Variants in MTR observed in about 807,000 individuals in gnomAD.
MTR encodes methionine synthase.
Under a neutral mutation model 154.8 loss-of-function variants are expected in MTR, and 84 were observed. That is an observed-to-expected ratio of 0.54 (90% CI 0.45 to 0.65). The LOEUF (loss-of-function observed/expected upper bound fraction) is 0.65. Ranked by LOEUF, MTR falls within the 30% of genes least tolerant of loss-of-function variation. The probability of loss-of-function intolerance (pLI) is 0.00; values close to 1 mark genes in which losing one functional copy is unlikely to be tolerated. For synonymous variants in MTR, 554 were observed against 553.9 expected, an observed-to-expected ratio of 1.00 and a Z score of 0.00; for missense variants, 1,275 against 1,570.2, an observed-to-expected ratio of 0.81 and a Z score of 3.18.
Position 236,838,613 on chromosome 1 carries a change from T to G in MTR, c.1515+14T>G, listed in dbSNP as rs750347987. The stretch of plus-strand genomic sequence containing the variant: ...GAAGAAGGACAGGTGAGTGGTTTCT[T>G]TTGGCCTAATCCATTGTGTTTCCCA... On this transcript the variant is annotated intron_variant, in intron 15 of 32. Coordinates refer to ENST00000366577, the MANE Select transcript of MTR (RefSeq NM_000254.3). The G allele has an allele frequency of 2.5e-6, 4 of 1,613,852 alleles. No homozygotes were observed. The South Asian group carries it at 4.4e-5, about 18-fold the overall frequency.
At chr1:236,873,880 A>G (rs758451767) in intron 23 of MTR, 40 bp downstream of exon 23, 8 of 1,570,316 alleles carry the variant, frequency 5.1e-6, no homozygotes, top group African/African-American at 1.4e-5. Context: ...TCTAAATGTC[A>G]TATCCCCAGG....
Position 236,902,772 on chromosome 1 carries a change from A to G in MTR, c.*5128A>G, listed in dbSNP as rs1052449663. On this transcript the variant is annotated 3_prime_UTR_variant, in exon 33 of 33. Transcript: ENST00000366577. ...TCTACACCCACCTTCAGTATTTCATATTAGATGCGGCCCAAGTGATACTTT... is the reference window on the plus strand; with the variant it reads ...TCTACACCCACCTTCAGTATTTCATGTTAGATGCGGCCCAAGTGATACTTT... 6.6e-6 allele frequency: 1 copy of G among 152,236 alleles called. No homozygotes were observed. The highest frequency in any genetic ancestry group is 1.5e-5 in the Non-Finnish European group (1 of 68,060). 9.4% of individuals were successfully genotyped at this position (152,236 alleles called of 1,614,324 possible).
chr1:236,840,272 A>G (rs2103178091), intron 15 of MTR, among the ~76,000 whole-genome samples: 1 of 152,352 alleles, frequency 6.6e-6, no homozygotes, highest in Admixed American at 6.5e-5. Flanking sequence ...CACAACACAC[A>G]TTAAATCAGT....
intron 8 of MTR, among the ~76,000 whole-genome samples, chr1:236,818,585 C>T (rs1233356690): frequency 1.3e-5 from 2 of 152,154 alleles, no homozygotes; most frequent in African/African-American, 4.8e-5. Context: ...AGCTACAGTC[C>T]ATTCACAGAG....
chr1:236,811,976 G>A (rs1168666987), intron 5 of MTR, among the ~76,000 whole-genome samples: 1 of 152,190 alleles, frequency 6.6e-6, no homozygotes, highest in East Asian at 1.9e-4. Context: ...CACCTCCTGG[G>A]TTTGAGCGAT....
At chr1:236,795,910 C>T (rs1660354736) in intron 1 of MTR, among the ~76,000 whole-genome samples, 173 bp downstream of exon 1, 1 of 152,270 alleles carries the variant, frequency 6.6e-6, no homozygotes, top group Non-Finnish European at 1.5e-5. Flanking sequence ...ACGTGTTTTG[C>T]TCCACTCTTT....
chr1:236,857,984 A>G (rs554855561), intron 18 of MTR, among the ~76,000 whole-genome samples: 10 of 152,298 alleles, frequency 6.6e-5, no homozygotes, highest in African/African-American at 2.4e-4. Flanking sequence ...GTACTGCATA[A>G]ATGTATGTCA....
chr1:236,820,576 C>A, intron 8 of MTR: 15 of 490,962 alleles, frequency 3.1e-5, no homozygotes, highest in Admixed American at 7.2e-5. Flanking sequence ...GGAAAATAAG[C>A]GTCAGTTTCT....
intron 27 of MTR, 47 bp downstream of exon 27, chr1:236,886,414 A>G (rs1666013230): frequency 1.3e-6 from 2 of 1,561,464 alleles, no homozygotes; most frequent in South Asian, 1.1e-5. Flanking sequence ...GGTAACTGAC[A>G]GTGTGCTGAG....
intron 8 of MTR, among the ~76,000 whole-genome samples, chr1:236,821,906 T>C (rs1661976970): frequency 6.6e-6 from 1 of 152,206 alleles, no homozygotes; most frequent in African/African-American, 2.4e-5. Context: ...TTCTGTTTCA[T>C]TAATCTATTT....
Position 236,897,641 on chromosome 1 carries a change from C to T in MTR, c.3795C>T (p.Asp1265=). Residue 1265 remains aspartate, a synonymous_variant, in exon 33 of 33, where the codon GAC becomes GAT. Coordinates refer to ENST00000366577, the MANE Select transcript of MTR (RefSeq NM_000254.3). The stretch of plus-strand genomic sequence containing the variant: ...GACCCATTTTGGGATATGATACAGA[C>T]TAACTTTTTTTTTTTTTTTGCCTTT... The part of the protein sequence containing the change: ...WLGPILGYDT[D] 6.3e-7 allele frequency: 1 copy of T among 1,597,814 alleles called. No individual in the cohort carries two copies. The highest frequency in any genetic ancestry group is 8.6e-7 in the Non-Finnish European group (1 of 1,168,050).
At position 236,899,199 on chromosome 1, in the gene MTR, T is replaced by C. The variant is rs1666818693; in HGVS notation, c.*1555T>C. ...TTTATTGAATGAAACAAGCAGGTGT[T>C]TATATGGAGTAGCAAAGGACTTAAA... On this transcript the variant is annotated 3_prime_UTR_variant, in exon 33 of 33. Coordinates refer to ENST00000366577, the MANE Select transcript of MTR (RefSeq NM_000254.3). 1 of 152,228 alleles carries C rather than the reference T, an allele frequency of 6.6e-6. No homozygotes were observed. Among genetic ancestry groups the C allele is most frequent in the South Asian group, 2.1e-4 (1 of 4,834 alleles). The allele number at this position is 152,228 out of a possible 1,614,324, so 9.4% of individuals were successfully genotyped here. A position where few individuals can be genotyped will look rare whatever the true frequency, so the allele number is the denominator to read the frequency against.
chr1:236,829,115 T>G, intron 11 of MTR, 74 bp from the exon 12 acceptor site: 1 of 1,158,552 alleles, frequency 8.6e-7, no homozygotes, highest in South Asian at 1.3e-5. Context: ...TAGTTAAAAT[T>G]AGTTTTGAAA....
rs560307124 is a variant in MTR at position 236,883,876 on chromosome 1, G to A, written c.2677-1245G>A. 2.0e-5 allele frequency among the ~76,000 whole-genome samples: 3 copies of A among 152,282 alleles called. No homozygotes were observed. The South Asian group carries it at 6.2e-4, about 32-fold the overall frequency. On this transcript the variant is annotated intron_variant, in intron 25 of 32. Transcript: ENST00000366577. ...CAGTCTGACTTCCTTAAGTTCAGAT[G>A]AAGATGTTGAACTTTCTTGCCTTTT...
At chr1:236,890,989 G>A in intron 28 of MTR, 144 bp from the exon 29 acceptor site, 1 of 958,476 alleles carries the variant, frequency 1.0e-6, no homozygotes, top group Non-Finnish European at 1.6e-6. Context: ...TGGGTCAGTG[G>A]CAAACACCAG....
chr1:236,864,406 C>T (rs1323826877), intron 22 of MTR, among the ~76,000 whole-genome samples: 1 of 152,156 alleles, frequency 6.6e-6, no homozygotes, highest in Non-Finnish European at 1.5e-5. Context: ...TCTCTGCCTT[C>T]AAGGCTCATT....
At chr1:236,820,576 C>T (rs1232059043) in intron 8 of MTR, 4 of 490,876 alleles carry the variant, frequency 8.1e-6, no homozygotes, top group East Asian at 3.6e-5. Context: ...GGAAAATAAG[C>T]GTCAGTTTCT....
intron 1 of MTR, among the ~76,000 whole-genome samples, chr1:236,799,314 T>C (rs1442601346): frequency 1.3e-5 from 2 of 151,476 alleles, no homozygotes; most frequent in Non-Finnish European, 2.9e-5. Flanking sequence ...TTTGTAGAGA[T>C]GAGGCCACTG....
At chr1:236,892,886 A>G (rs189503369) in intron 29 of MTR, among the ~76,000 whole-genome samples, 1 of 152,282 alleles carries the variant, frequency 6.6e-6, no homozygotes, top group African/African-American at 2.4e-5. Flanking sequence ...AGTCTGTGAC[A>G]TATTAGGGCA....
Sources: gnomAD v4.1 joint callset for allele counts (sites outside exome capture counted in the v4.1 genomes callset) on GRCh38, gnomAD v4.1.1 for gene constraint, MANE v1.5 for transcripts, NCBI Gene and HGNC (gene_info 2026-07-23, HGNC 2026-07-21) for gene names.